DNAH7: variants seen among roughly 807,000 people sequenced by gnomAD.
DNAH7 encodes the protein axonemal beta dynein heavy chain 7.
Under a neutral mutation model 444.6 loss-of-function variants are expected in DNAH7, and 397 were observed. The ratio of observed to expected loss-of-function variants is 0.89; its 90% confidence interval spans 0.82 to 0.97. The LOEUF (loss-of-function observed/expected upper bound fraction) is 0.97. DNAH7 is among the 50% of genes least tolerant of loss of function. The probability of loss-of-function intolerance (pLI) is 0.00; values close to 1 mark genes in which losing one functional copy is unlikely to be tolerated. For synonymous variants in DNAH7, 1,636 were observed against 1,624.4 expected, an observed-to-expected ratio of 1.01 and a Z score of -0.17; for missense variants, 4,902 against 4,800.8, an observed-to-expected ratio of 1.02 and a Z score of -0.62.
chr2:195,852,911 CACACAGAGAGAGAGAG>C (rs1283103798), intron 46 of DNAH7, among the ~76,000 whole-genome samples: 1 of 125,870 alleles, frequency 7.9e-6, no homozygotes, highest in Non-Finnish European at 1.7e-5. Flanking sequence ...CACACACACA[CACACAGAGAGAGAGAG>C]AGAGAGAGAG....
At chr2:196,020,423 C>T (rs190710993) in intron 8 of DNAH7, among the ~76,000 whole-genome samples, 60 of 152,122 alleles carry the variant, frequency 3.9e-4, no homozygotes, top group African/African-American at 1.4e-3. Flanking sequence ...TATATTTAAA[C>T]ATTTACATTT....
chr2:196,067,549 G>T (rs1485838185), intron 1 of DNAH7, among the ~76,000 whole-genome samples: 1 of 151,938 alleles, frequency 6.6e-6, no homozygotes, highest in Non-Finnish European at 1.5e-5. Flanking sequence ...CCATTTCTTA[G>T]TTCTTAAATT....
chr2:195,746,580 G>A (rs1447835784), intron 63 of DNAH7, among the ~76,000 whole-genome samples: 3 of 152,072 alleles, frequency 2.0e-5, no homozygotes, highest in Non-Finnish European at 4.4e-5. Flanking sequence ...TTCCAAAATT[G>A]ACCACATAGT....
chr2:195,910,269 A>C (rs180879204), intron 24 of DNAH7, 74 bp from the exon 25 acceptor site: 144 of 1,308,010 alleles, frequency 1.1e-4, no homozygotes, highest in Non-Finnish European at 1.2e-4. Flanking sequence ...AGAAGAGAAA[A>C]AGGTTAAATT....
chr2:195,754,389 C>T lies in DNAH7; in HGVS notation c.11712G>A (p.Gly3904=). 6.2e-7 allele frequency: 1 copy of T among 1,613,990 alleles called. No homozygotes were observed. Among genetic ancestry groups the T allele is most frequent in the Non-Finnish European group, 8.5e-7 (1 of 1,179,958 alleles). The change falls in exon 63 of 65, where the codon GGG becomes GGA. Residue 3904 remains glycine (G), a synonymous_variant. Coordinates refer to ENST00000312428, the MANE Select transcript of DNAH7 (RefSeq NM_018897.3). ...RKYTIPIDLL[G]FDYEVMEDKE... is the part of the protein sequence containing the mutation. Reference sequence around the variant, plus strand: ...TGTCTTCCATCACTTCATAGTCAAACCCAAGAAGATCAATAGGAATTGTGT... The same window carrying T: ...TGTCTTCCATCACTTCATAGTCAAATCCAAGAAGATCAATAGGAATTGTGT...
intron 33 of DNAH7, among the ~76,000 whole-genome samples, chr2:195,887,047 T>C (rs545677121): frequency 6.6e-6 from 1 of 152,288 alleles, no homozygotes; most frequent in African/African-American, 2.4e-5. Context: ...GATGCAACAC[T>C]AAAATACAAA....
At chr2:195,838,272 T>C (rs906355452) in intron 47 of DNAH7, among the ~76,000 whole-genome samples, 2 of 152,114 alleles carry the variant, frequency 1.3e-5, no homozygotes, top group Admixed American at 6.6e-5. Flanking sequence ...TGACAGGACC[T>C]AGAGTCTCAT....
chr2:196,040,438 A>T (rs1696667812), intron 5 of DNAH7, among the ~76,000 whole-genome samples: 1 of 152,194 alleles, frequency 6.6e-6, no homozygotes, highest in African/African-American at 2.4e-5. Context: ...AAATCAATAT[A>T]TGTGATACAC....
At chr2:195,828,625 T>C (rs1325600401) in intron 48 of DNAH7, among the ~76,000 whole-genome samples, 1 of 146,854 alleles carries the variant, frequency 6.8e-6, no homozygotes, top group African/African-American at 2.5e-5. Flanking sequence ...TTTTTTTTTT[T>C]TCTATTGCAT....
At chr2:195,988,381 A>G in intron 12 of DNAH7, 152 bp from the exon 13 acceptor site, 1 of 681,560 alleles carries the variant, frequency 1.5e-6, no homozygotes, top group Non-Finnish European at 2.2e-6. Flanking sequence ...GAAAGATATT[A>G]GACTAATTGC....
At chr2:195,989,749 T>C (rs1693172596) in intron 12 of DNAH7, among the ~76,000 whole-genome samples, 1 of 152,160 alleles carries the variant, frequency 6.6e-6, no homozygotes, top group Admixed American at 6.5e-5. Context: ...TCATGAGATC[T>C]GGTCATTTAA....
intron 3 of DNAH7, among the ~76,000 whole-genome samples, chr2:196,049,550 T>C (rs934238319): frequency 6.6e-6 from 1 of 152,216 alleles, no homozygotes; most frequent in Non-Finnish European, 1.5e-5. Flanking sequence ...GGAGAACTTC[T>C]ATCCAGGTAC....
chr2:195,767,640 AAAGTT>A (rs1159239579), intron 61 of DNAH7, among the ~76,000 whole-genome samples: 3 of 152,012 alleles, frequency 2.0e-5, no homozygotes, highest in East Asian at 3.8e-4. Context: ...AATTAAAAAT[AAAGTT>A]AAGACTATAA....
chr2:195,798,537 A>ATTTTTTTTTTTTTTTTTTTTTTTTTTTT (rs754058331), intron 55 of DNAH7, among the ~76,000 whole-genome samples: 1 of 107,468 alleles, frequency 9.3e-6, no homozygotes, highest in Non-Finnish European at 1.9e-5. Context: ...AAATAGTAGA[A>ATTTTTTTTTTTTTTTTTTTTTTTTTTTT]TTTTTTTTTT....
At chr2:196,048,721 T>C (rs1697285151) in intron 3 of DNAH7, among the ~76,000 whole-genome samples, 1 of 152,234 alleles carries the variant, frequency 6.6e-6, no homozygotes, top group African/African-American at 2.4e-5. Flanking sequence ...TAATGAGAAG[T>C]GCTCTCTGCT....
intron 9 of DNAH7, among the ~76,000 whole-genome samples, chr2:196,018,447 A>G (rs1397880572): frequency 6.6e-6 from 1 of 152,156 alleles, no homozygotes; most frequent in African/African-American, 2.4e-5. Flanking sequence ...CAAAGGGACC[A>G]GTGAATAATA....
Position 195,855,870 on chromosome 2 carries a change from C to A in DNAH7, c.8536G>T (p.Ala2846Ser), listed in dbSNP as rs769576861. Residue 2846 changes from alanine to serine, a missense_variant, in exon 45 of 65, where the codon GCC becomes TCC. Ala to Ser is a moderately conservative substitution (Grantham distance 99). Coordinates refer to ENST00000312428, the MANE Select transcript of DNAH7 (RefSeq NM_018897.3). ...AATTCAAGTGTGTCTTGAAGCCTGG[C>A]CAGCTTGTCCTGAACTTCCTTAAGG... ...AALKEVQDKL[A>S]RLQDTLELNK... is the part of the protein sequence containing the mutation. 7 of 1,613,926 alleles carry A rather than the reference C, an allele frequency of 4.3e-6. No individual in the cohort carries two copies. In the Admixed American group the frequency reaches 8.3e-5, roughly 19 times the overall value.
In DNAH7 at chr2:195,816,494, G is replaced by A. The variant is rs1216696706; in HGVS notation, c.9761+134C>T. 1.5e-5 allele frequency: 10 copies of A among 657,300 alleles called. No individual in the cohort carries two copies. In the Admixed American group the frequency reaches 1.8e-4, roughly 12 times the overall value. 40.7% of individuals were successfully genotyped at this position (657,300 alleles called of 1,614,324 possible). A position where few individuals can be genotyped will look rare whatever the true frequency, so the allele number is the denominator to read the frequency against. ...TAACCCCCATATTTACTTCTGATACGATGATTAATCAAGTTCATTTTAGGT... is the reference window on the plus strand; with the variant it reads ...TAACCCCCATATTTACTTCTGATACAATGATTAATCAAGTTCATTTTAGGT... On this transcript the variant is annotated intron_variant, in intron 51 of 64. Transcript: ENST00000312428.
In DNAH7 at chr2:195,851,153, C is replaced by T. The variant is rs564935882; in HGVS notation, c.8781+2190G>A. On this transcript the variant is annotated intron_variant, in intron 46 of 64. Coordinates refer to ENST00000312428, the MANE Select transcript of DNAH7 (RefSeq NM_018897.3). ...CAGAGCCCTGATGTTTGCCATCCAACCCTTACGCTGAGAATTGAATGAGAC... is the reference window on the plus strand; with the variant it reads ...CAGAGCCCTGATGTTTGCCATCCAATCCTTACGCTGAGAATTGAATGAGAC... Among the ~76,000 whole-genome samples, 37 of 152,300 alleles carry T rather than the reference C, an allele frequency of 2.4e-4. 1 individual carries two copies. The highest frequency in any genetic ancestry group is 7.7e-4 in the East Asian group (4 of 5,168).
Sources: allele counts gnomAD v4.1 joint callset (sites outside exome capture counted in the v4.1 genomes callset), GRCh38; gene constraint gnomAD v4.1.1; transcripts MANE v1.5; gene names NCBI Gene and HGNC (gene_info 2026-07-23, HGNC 2026-07-21).